Variants in FAF1 observed in about 807,000 individuals in gnomAD.
FAF1 encodes the protein Fas associated factor 1.
Under a neutral mutation model 92.5 loss-of-function variants are expected in FAF1, and 25 were observed. That is an observed-to-expected ratio of 0.27 (90% confidence interval 0.20 to 0.38). The LOEUF (loss-of-function observed/expected upper bound fraction) is 0.38, where lower values mean the gene tolerates loss of function less well. Ranked by LOEUF, FAF1 falls within the 10% of genes least tolerant of loss-of-function variation. The pLI, the probability that FAF1 is intolerant of heterozygous loss-of-function variation, is 1.00. For missense variants in FAF1, 636 were observed against 793.3 expected (o/e 0.80, Z 2.38); for synonymous variants, 234 against 273.2 (o/e 0.86, Z 1.42).
At chr1:50,783,276 G>A (rs1031166008) in intron 4 of FAF1, among the ~76,000 whole-genome samples, 4 of 152,022 alleles carry the variant, frequency 2.6e-5, no homozygotes, top group Non-Finnish European at 1.5e-5. Flanking sequence ...GCATGTTACC[G>A]AACATTTAAA....
At chr1:50,649,191 T>C (rs1204688908) in intron 8 of FAF1, among the ~76,000 whole-genome samples, 3 of 151,896 alleles carry the variant, frequency 2.0e-5, no homozygotes, top group African/African-American at 7.3e-5. Context: ...GTTTTGCTCT[T>C]GTTGCCCAGG....
chr1:50,712,038 CA>C (rs1420870571), intron 6 of FAF1, among the ~76,000 whole-genome samples: 2 of 152,068 alleles, frequency 1.3e-5, no homozygotes, highest in Admixed American at 6.5e-5. Flanking sequence ...TACTATCATA[CA>C]AAAAAGGTAG....
intron 15 of FAF1, among the ~76,000 whole-genome samples, chr1:50,518,036 AG>A (rs1383491811): frequency 6.6e-6 from 1 of 152,236 alleles, no homozygotes; most frequent in African/African-American, 2.4e-5. Context: ...ACGTATGTAT[AG>A]ATTCATGTAA....
intron 8 of FAF1, among the ~76,000 whole-genome samples, chr1:50,644,699 C>A (rs181816031): frequency 6.6e-6 from 1 of 152,222 alleles, no homozygotes; most frequent in Admixed American, 6.5e-5. Context: ...TCTTCAGAGT[C>A]CTGTTGGCTA....
intron 1 of FAF1, among the ~76,000 whole-genome samples, chr1:50,874,114 T>C (rs536728388): frequency 3.3e-5 from 5 of 152,282 alleles, no homozygotes; most frequent in African/African-American, 1.2e-4. Context: ...TTCTAGTACC[T>C]GACAATTGTC....
intron 6 of FAF1, chr1:50,714,931 C>T (rs1658109242): frequency 2.6e-6 from 1 of 383,112 alleles, no homozygotes; most frequent in African/African-American, 2.1e-5. Flanking sequence ...TATTTATATA[C>T]ACATCCAAAT....
intron 18 of FAF1, among the ~76,000 whole-genome samples, chr1:50,442,574 G>A (rs1413342482): frequency 6.6e-6 from 1 of 152,220 alleles, no homozygotes; most frequent in Non-Finnish European, 1.5e-5. Context: ...TGATGGGAGG[G>A]CAAGCAATCT....
intron 4 of FAF1, among the ~76,000 whole-genome samples, chr1:50,759,600 C>T (rs1346805985): frequency 1.3e-5 from 2 of 151,810 alleles, no homozygotes; most frequent in Non-Finnish European, 2.9e-5. Flanking sequence ...TGAATAGTGC[C>T]GCAATAAACA....
intron 18 of FAF1, among the ~76,000 whole-genome samples, chr1:50,446,222 C>G (rs1013221425): frequency 6.6e-6 from 1 of 152,210 alleles, no homozygotes; most frequent in African/African-American, 2.4e-5. Context: ...GGAGCAGACG[C>G]AGCACTGCAT....
intron 7 of FAF1, among the ~76,000 whole-genome samples, chr1:50,686,370 C>T (rs1656656687): frequency 6.6e-6 from 1 of 151,978 alleles, no homozygotes; most frequent in African/African-American, 2.4e-5. Flanking sequence ...TGGAGAAACC[C>T]CGTCCCTACT....
intron 8 of FAF1, among the ~76,000 whole-genome samples, chr1:50,638,216 G>A (rs570238908): frequency 4.0e-5 from 6 of 151,860 alleles, no homozygotes; most frequent in African/African-American, 1.4e-4. Flanking sequence ...GGATTATGTT[G>A]GATCTACCAA....
intron 1 of FAF1, among the ~76,000 whole-genome samples, chr1:50,874,093 T>A (rs1644550619): frequency 6.6e-6 from 1 of 152,136 alleles, no homozygotes; most frequent in South Asian, 2.1e-4. Context: ...GACACTGATT[T>A]CCCTTTTTGG....
chr1:50,802,644 G>A (rs1186371950), intron 2 of FAF1, among the ~76,000 whole-genome samples: 1 of 152,214 alleles, frequency 6.6e-6, no homozygotes, highest in Non-Finnish European at 1.5e-5. Flanking sequence ...ATCCTGGAAT[G>A]TAGACAGCTT....
intron 1 of FAF1, among the ~76,000 whole-genome samples, chr1:50,859,886 A>C (rs986552915): frequency 1.5e-4 from 23 of 152,008 alleles, no homozygotes; most frequent in African/African-American, 5.3e-4. Flanking sequence ...CATGGAATCG[A>C]TACAAAAACA....
chr1:50,878,952 T>C (rs546683838), intron 1 of FAF1, among the ~76,000 whole-genome samples: 1 of 152,138 alleles, frequency 6.6e-6, no homozygotes, highest in East Asian at 1.9e-4. Flanking sequence ...AAAGCATAAG[T>C]GAATCAGATT....
chr1:50,554,546 C>G (rs1049252346), intron 13 of FAF1, among the ~76,000 whole-genome samples: 8 of 151,966 alleles, frequency 5.3e-5, no homozygotes, highest in Non-Finnish European at 8.8e-5. Flanking sequence ...CTCTTAGCTA[C>G]TAATATACTT....
At chr1:50,779,626 T>C (rs1291636882) in intron 4 of FAF1, among the ~76,000 whole-genome samples, 1 of 151,450 alleles carries the variant, frequency 6.6e-6, no homozygotes, top group East Asian at 1.9e-4. Context: ...AATACAAAAT[T>C]TTAAAAAATA....
chr1:50,636,408 A>G, intron 8 of FAF1, among the ~76,000 whole-genome samples: 1 of 110,064 alleles, frequency 9.1e-6, no homozygotes, highest in African/African-American at 3.9e-5. Flanking sequence ...TTTTTTTGAG[A>G]CAGAGTCTCC....
intron 6 of FAF1, among the ~76,000 whole-genome samples, chr1:50,735,287 G>A (rs954467188): frequency 6.6e-6 from 1 of 152,112 alleles, no homozygotes; most frequent in African/African-American, 2.4e-5. Flanking sequence ...GAGGCCACTG[G>A]AGTACTGCTT....
Sources: allele counts gnomAD v4.1 joint callset (sites outside exome capture counted in the v4.1 genomes callset), GRCh38; gene constraint gnomAD v4.1.1; transcripts MANE v1.5; gene names NCBI Gene and HGNC (gene_info 2026-07-23, HGNC 2026-07-21).